The following MAGI1 variants were observed in gnomAD, a reference collection of about 807,000 sequenced individuals.
The protein encoded by MAGI1 is membrane-associated guanylate kinase, WW and PDZ domain-containing protein 1.
MAGI1 carries 58 observed loss-of-function variants against 139.9 expected under a neutral mutation model. The observed-to-expected ratio is 0.41, with a 90% CI of 0.34 to 0.52. The LOEUF is 0.52. Ranked by LOEUF, MAGI1 falls within the 20% of genes least tolerant of loss-of-function variation. The pLI, the probability that MAGI1 is intolerant of heterozygous loss-of-function variation, is 0.12. For missense variants in MAGI1, 1,874 were observed against 1,901.6 expected, an observed-to-expected ratio of 0.99 and a Z score of 0.27; for synonymous variants, 812 against 737.9, an observed-to-expected ratio of 1.10 and a Z score of -1.63.
intron 5 of MAGI1, among the ~76,000 whole-genome samples, chr3:65,465,244 G>GA (rs1349310711): frequency 5.3e-5 from 8 of 150,404 alleles, no homozygotes; most frequent in African/African-American, 9.7e-5. Flanking sequence ...ATAAAAATGG[G>GA]AAAAAAGAAA....
chr3:65,775,047 A>G (rs2038260426), intron 1 of MAGI1, among the ~76,000 whole-genome samples: 1 of 152,190 alleles, frequency 6.6e-6, no homozygotes. Context: ...TATTATCATC[A>G]TCATTCTTAT....
At chr3:65,542,378 C>G (rs1327554840) in intron 2 of MAGI1, among the ~76,000 whole-genome samples, 1 of 152,188 alleles carries the variant, frequency 6.6e-6, no homozygotes, top group East Asian at 1.9e-4. Context: ...CTATCCCCAT[C>G]AAGCTACCAT....
At chr3:65,512,769 C>A (rs1365249544) in intron 2 of MAGI1, among the ~76,000 whole-genome samples, 1 of 147,522 alleles carries the variant, frequency 6.8e-6, no homozygotes, top group Non-Finnish European at 1.5e-5. Context: ...CTATTCCAAT[C>A]AATAGAAAAA....
rs2059817050 is a variant in MAGI1, at chr3:65,868,817, A to G, written c.313+169179T>C. Among the ~76,000 whole-genome samples, 4 of 152,074 alleles carry G rather than the reference A, an allele frequency of 2.6e-5. 1 individual carries two copies. The South Asian group carries it at 8.3e-4, about 32-fold the overall frequency. ...TTCTAAGACAAACTAGCTTTTTTCA[A>G]TACTTTGCATATTTTTCTGAATTCT... is the stretch of plus-strand genomic sequence containing the variant. On this transcript the variant is annotated intron_variant, in intron 1 of 22. Transcript: ENST00000402939.
At chr3:65,624,192 C>A (rs932031300) in intron 1 of MAGI1, among the ~76,000 whole-genome samples, 2 of 152,070 alleles carry the variant, frequency 1.3e-5, no homozygotes, top group African/African-American at 4.8e-5. Flanking sequence ...ATGGTTCGTC[C>A]TCTTAGGAAA....
intron 13 of MAGI1, among the ~76,000 whole-genome samples, chr3:65,398,614 T>C (rs1004692863): frequency 1.3e-5 from 2 of 152,190 alleles, no homozygotes; most frequent in African/African-American, 4.8e-5. Flanking sequence ...TAAATTCTCA[T>C]ACACAACATC....
In MAGI1 at chr3:65,608,881, T is replaced by C. The variant is rs1004322509; in HGVS notation, c.430+13091A>G. 8.5e-5 allele frequency among the ~76,000 whole-genome samples: 13 copies of C among 152,252 alleles called. 1 individual carries two copies. Among genetic ancestry groups the C allele is most frequent in the Admixed American group, 5.2e-4 (8 of 15,278 alleles). On this transcript the variant is annotated intron_variant, in intron 2 of 22. Transcript: ENST00000402939. ...GAATGGGTAAGCAGATCATGGTATA[T>C]TCATACAATCAAAGACTACACAGCA...
chr3:65,498,879 A>C (rs2076975415), intron 2 of MAGI1: 1 of 327,038 alleles, frequency 3.1e-6, no homozygotes, highest in African/African-American at 2.2e-5. Context: ...GAATAGCCAC[A>C]TGTGGCTAGT....
intron 1 of MAGI1, among the ~76,000 whole-genome samples, chr3:65,737,181 T>C (rs946041309): frequency 6.6e-6 from 1 of 152,144 alleles, no homozygotes; most frequent in African/African-American, 2.4e-5. Flanking sequence ...TTTTTTGTAT[T>C]TTTAGTAGAG....
intron 9 of MAGI1, 41 bp from the exon 10 acceptor site, chr3:65,437,288 T>C: frequency 2.3e-6 from 3 of 1,306,974 alleles, no homozygotes; most frequent in Non-Finnish European, 3.3e-6. Context: ...TTCCTTCAAA[T>C]GGCTCATTGA....
chr3:65,966,241 G>C (rs1488711158), intron 1 of MAGI1, among the ~76,000 whole-genome samples: 2 of 152,132 alleles, frequency 1.3e-5, no homozygotes, highest in Non-Finnish European at 2.9e-5. Flanking sequence ...AGCTAAGTCA[G>C]TTAAAGCCCA....
chr3:65,828,996 C>T (rs2042378788), intron 1 of MAGI1, among the ~76,000 whole-genome samples: 2 of 152,174 alleles, frequency 1.3e-5, no homozygotes, highest in South Asian at 2.1e-4. Context: ...GGTACCACAA[C>T]CACAATGAGC....
chr3:65,489,951 G>A (rs1951886865), intron 3 of MAGI1, among the ~76,000 whole-genome samples: 1 of 152,110 alleles, frequency 6.6e-6, no homozygotes, highest in African/African-American at 2.4e-5. Flanking sequence ...TGTTGTTGTG[G>A]TAGACTTTTC....
intron 3 of MAGI1, among the ~76,000 whole-genome samples, chr3:65,490,583 C>T (rs997008303): frequency 6.6e-6 from 1 of 152,058 alleles, no homozygotes; most frequent in Non-Finnish European, 1.5e-5. Context: ...CGGTGGCTCA[C>T]GCCTGTAATC....
In MAGI1 at chr3:65,354,077, T is replaced by C. The variant is rs543682802; in HGVS notation, c.*2301A>G. On this transcript the variant is annotated 3_prime_UTR_variant, in exon 23 of 23. Transcript: ENST00000402939. ...ATTTATTTAAAACTCTGGATCACAA[T>C]TGAGAGCATCAGTCATTTAACATCA... 4.6e-5 allele frequency: 7 copies of C among 152,346 alleles called. No individual in the cohort carries two copies. In the South Asian group the frequency reaches 8.3e-4, roughly 18 times the overall value. The allele number at this position is 152,346 out of a possible 1,614,324, so 9.4% of individuals were successfully genotyped here.
At chr3:65,733,288 G>T (rs1392287137) in intron 1 of MAGI1, among the ~76,000 whole-genome samples, 3 of 152,116 alleles carry the variant, frequency 2.0e-5, no homozygotes, top group African/African-American at 4.8e-5. Flanking sequence ...TCGAACTCCT[G>T]ACCTCAGGTG....
intron 1 of MAGI1, among the ~76,000 whole-genome samples, chr3:65,953,855 A>C (rs534669663): frequency 6.6e-6 from 1 of 152,340 alleles, no homozygotes; most frequent in African/African-American, 2.4e-5. Flanking sequence ...TCGTTAGGTA[A>C]AATTTAACTA....
At chr3:65,508,895 G>A (rs547435599) in intron 2 of MAGI1, among the ~76,000 whole-genome samples, 1 of 152,200 alleles carries the variant, frequency 6.6e-6, no homozygotes. Flanking sequence ...AACAGCAACT[G>A]CTGATCAAGG....
At chr3:65,606,502 G>A (rs192251124) in intron 2 of MAGI1, among the ~76,000 whole-genome samples, 3 of 150,812 alleles carry the variant, frequency 2.0e-5, no homozygotes, top group Admixed American at 6.6e-5. Flanking sequence ...CACCACACCC[G>A]GATGTTTATT....
Sources: gnomAD v4.1 joint callset for allele counts (sites outside exome capture counted in the v4.1 genomes callset) on GRCh38, gnomAD v4.1.1 for gene constraint, MANE v1.5 for transcripts, NCBI Gene and HGNC (gene_info 2026-07-23, HGNC 2026-07-21) for gene names.